CTNNA2: variants seen among roughly 807,000 people sequenced by gnomAD.
CTNNA2 encodes the protein catenin alpha 2.
In CTNNA2, 42 loss-of-function variants were observed where a neutral mutation model predicts 101.0. The observed-to-expected ratio is 0.42, with a 90% CI of 0.32 to 0.54. CTNNA2 has a LOEUF of 0.54. Among genes scored for constraint, CTNNA2 ranks in the 20% least tolerant of loss-of-function variants. The probability of loss-of-function intolerance (pLI) is 0.14; values close to 1 mark genes in which losing one functional copy is unlikely to be tolerated. For synonymous variants in CTNNA2, 450 were observed against 456.4 expected, an observed-to-expected ratio of 0.99 and a Z score of 0.18; for missense variants, 871 against 1,223.1, an observed-to-expected ratio of 0.71 and a Z score of 4.29.
At chr2:79,939,083 T>C (rs1053884047) in intron 7 of CTNNA2, among the ~76,000 whole-genome samples, 2 of 152,208 alleles carry the variant, frequency 1.3e-5, no homozygotes, top group Non-Finnish European at 2.9e-5. Flanking sequence ...CTCTCCGTTA[T>C]ATTATAGAAT....
At chr2:79,954,370 A>G (rs1689082361) in intron 7 of CTNNA2, among the ~76,000 whole-genome samples, 2 of 152,196 alleles carry the variant, frequency 1.3e-5, no homozygotes, top group Non-Finnish European at 2.9e-5. Flanking sequence ...CATTGTCATG[A>G]TTAAAAAATA....
At chr2:80,055,554 C>T (rs1285493653) in intron 7 of CTNNA2, among the ~76,000 whole-genome samples, 4 of 152,076 alleles carry the variant, frequency 2.6e-5, no homozygotes, top group Non-Finnish European at 5.9e-5. Context: ...AAATTGAGCA[C>T]TTTCATATAA....
At chr2:80,169,775 T>C (rs1241210699) in intron 7 of CTNNA2, among the ~76,000 whole-genome samples, 3 of 152,224 alleles carry the variant, frequency 2.0e-5, no homozygotes, top group African/African-American at 7.2e-5. Context: ...GTTGCATATA[T>C]AGCATTGTAA....
chr2:80,406,258 C>T (rs563251944), intron 8 of CTNNA2, among the ~76,000 whole-genome samples: 2 of 151,688 alleles, frequency 1.3e-5, no homozygotes, highest in South Asian at 4.2e-4. Flanking sequence ...GACTTGAACC[C>T]GGGAGGCGGA....
chr2:80,506,299 G>C (rs747409153), intron 9 of CTNNA2, among the ~76,000 whole-genome samples: 1 of 152,152 alleles, frequency 6.6e-6, no homozygotes, highest in African/African-American at 2.4e-5. Flanking sequence ...GTAGAAGTGA[G>C]ATAAAATGGA....
intron 4 of CTNNA2, among the ~76,000 whole-genome samples, chr2:79,428,018 T>C (rs955917415): frequency 2.0e-5 from 3 of 152,172 alleles, no homozygotes; most frequent in Non-Finnish European, 4.4e-5. Context: ...TCTAATGCCC[T>C]GCCTTTCTGG....
At chr2:79,842,563 C>CTTCTAAGTACA (rs1679905657) in intron 3 of CTNNA2, among the ~76,000 whole-genome samples, 1 of 152,114 alleles carries the variant, frequency 6.6e-6, no homozygotes, top group Non-Finnish European at 1.5e-5. Context: ...AACAGTACAC[C>CTTCTAAGTACA]CTTGGCTTAG....
intron 7 of CTNNA2, among the ~76,000 whole-genome samples, chr2:80,332,387 G>C (rs1325428341): frequency 6.6e-6 from 1 of 152,164 alleles, no homozygotes; most frequent in South Asian, 2.1e-4. Context: ...TTCAGGTGTA[G>C]GTCATGCTGT....
chr2:79,403,126 A>G (rs10198819), intron 4 of CTNNA2, among the ~76,000 whole-genome samples: 6,047 of 151,958 alleles, frequency 0.04, 193 homozygotes, highest in Non-Finnish European at 0.06. Flanking sequence ...AAGCATAAAT[A>G]AAGAAAACAT....
chr2:79,372,078 C>T (rs762589711), intron 3 of CTNNA2, among the ~76,000 whole-genome samples: 36 of 152,252 alleles, frequency 2.4e-4, no homozygotes, highest in Non-Finnish European at 4.4e-4. Context: ...GGGCCCTTGC[C>T]TGGACAATTA....
At chr2:80,404,513 A>T (rs1298238344) in intron 8 of CTNNA2, among the ~76,000 whole-genome samples, 3 of 152,200 alleles carry the variant, frequency 2.0e-5, no homozygotes, top group Non-Finnish European at 2.9e-5. Context: ...ACTAGTAAGT[A>T]TGTGGTTACA....
At chr2:79,370,247 A>G (rs1478815713) in intron 3 of CTNNA2, among the ~76,000 whole-genome samples, 2 of 152,234 alleles carry the variant, frequency 1.3e-5, no homozygotes, top group African/African-American at 4.8e-5. Context: ...CAAATTACTC[A>G]ACTTTCAAAA....
chr2:79,500,256 T>C (rs1251671140), intron 4 of CTNNA2, among the ~76,000 whole-genome samples: 1 of 152,208 alleles, frequency 6.6e-6, no homozygotes. Flanking sequence ...TTTACTTCAC[T>C]TCATAGCTTT....
intron 4 of CTNNA2, among the ~76,000 whole-genome samples, chr2:79,463,039 C>T (rs1368870019): frequency 6.6e-6 from 1 of 152,178 alleles, no homozygotes; most frequent in East Asian, 1.9e-4. Flanking sequence ...GGGTAGATAA[C>T]TTCTCTATTC....
chr2:79,844,103 T>C (rs1445691419), intron 3 of CTNNA2, among the ~76,000 whole-genome samples: 1 of 152,154 alleles, frequency 6.6e-6, no homozygotes, highest in Non-Finnish European at 1.5e-5. Flanking sequence ...AATTTTCAAG[T>C]CATTTATAAT....
intron 2 of CTNNA2, among the ~76,000 whole-genome samples, chr2:79,218,494 TGTAA>T (rs369837984): frequency 8.7e-4 from 133 of 152,200 alleles, no homozygotes; most frequent in African/African-American, 3.1e-3. Context: ...CCTTCATTTC[TGTAA>T]GTGTCAGTGA....
At chr2:79,307,712 T>A (rs550849850) in intron 2 of CTNNA2, among the ~76,000 whole-genome samples, 41 of 152,158 alleles carry the variant, frequency 2.7e-4, no homozygotes, top group Non-Finnish European at 4.9e-4. Context: ...ATATATTGAT[T>A]TTCTTTCCTC....
intron 9 of CTNNA2, among the ~76,000 whole-genome samples, chr2:80,434,180 T>C (rs1681809355): frequency 6.6e-6 from 1 of 152,188 alleles, no homozygotes; most frequent in South Asian, 2.1e-4. Context: ...TTGGAGAACT[T>C]TAGCGTGAAA....
At chr2:79,879,467 C>T (rs1683262926) in intron 6 of CTNNA2, among the ~76,000 whole-genome samples, 1 of 152,044 alleles carries the variant, frequency 6.6e-6, no homozygotes, top group South Asian at 2.1e-4. Flanking sequence ...AATGTTTTTC[C>T]ATTTTTTTGT....
Sources: gnomAD v4.1 joint callset for allele counts (sites outside exome capture counted in the v4.1 genomes callset) on GRCh38, gnomAD v4.1.1 for gene constraint, MANE v1.5 for transcripts, NCBI Gene and HGNC (gene_info 2026-07-23, HGNC 2026-07-21) for gene names.